The following LZTR1 variants were observed in gnomAD, a reference collection of about 807,000 sequenced individuals.
LZTR1 encodes leucine zipper like post translational regulator 1, also known as leucine-zipper-like transcriptional regulator 1.
In LZTR1, 260 loss-of-function variants were observed where a neutral mutation model predicts 105.7. That is an observed-to-expected ratio of 2.46 (90% CI 2.22 to 2.72). The LOEUF (loss-of-function observed/expected upper bound fraction) is 2.72, where lower values mean the gene tolerates loss of function less well. Ranked by LOEUF, LZTR1 falls within the 30% of genes most tolerant of loss-of-function variation. The pLI is 0.00. For missense variants in LZTR1, 1,214 were observed against 1,166.9 expected (o/e 1.04, Z -0.59); for synonymous variants, 490 against 476.4 (o/e 1.03, Z -0.37).
chr22:20,985,182 C>T (rs184474965), intron 2 of LZTR1, among the ~76,000 whole-genome samples: 428 of 151,806 alleles, frequency 2.8e-3, no homozygotes, highest in African/African-American at 3.0e-3. Flanking sequence ...CGCAGCCTCC[C>T]GAGTAGCTGG....
At chr22:20,995,548 GGC>G in intron 16 of LZTR1, 196 bp from the exon 17 acceptor site, 1 of 740,444 alleles carries the variant, frequency 1.4e-6, no homozygotes, top group South Asian at 1.5e-5. Context: ...CTGTGCGTGG[GGC>G]ATAGTGCTTG....
rs2147962064 is a variant in LZTR1, at chr22:20,988,104, G to A, written c.495G>A (p.Trp165Ter). The A allele has an allele frequency of 1.2e-6, 2 of 1,608,330 alleles. No individual in the cohort carries two copies. Among genetic ancestry groups the A allele is most frequent in the Non-Finnish European group, 1.7e-6 (2 of 1,174,782 alleles). ...TTGCAACTGGCCAGTGGACGGAGTG[G>A]AAAATTGAAGGACGGTGAGAAACTT... ...YKFATGQWTE[W>*]KIEGRLPVAR... is the part of the protein sequence containing the mutation. Residue 165 changes from tryptophan (W) to a stop codon, truncating the protein, a stop_gained, in exon 5 of 21, where the codon TGG becomes TGA. Coordinates refer to ENST00000646124, the MANE Select transcript of LZTR1 (RefSeq NM_006767.4). LOFTEE classifies it high-confidence loss of function.
chr22:20,990,724 T>C, intron 8 of LZTR1, 199 bp downstream of exon 8: 1 of 582,858 alleles, frequency 1.7e-6, no homozygotes, highest in Non-Finnish European at 3.0e-6. Context: ...CTTAGCAAGA[T>C]AAGGCCTGGC....
chr22:20,997,091 C>A, intron 20 of LZTR1, 125 bp downstream of exon 20: 1 of 1,153,462 alleles, frequency 8.7e-7, no homozygotes, highest in Non-Finnish European at 1.3e-6. Flanking sequence ...AGAAGCAGAG[C>A]AGCCCATCAC....
chr22:20,990,292 A>G, intron 7 of LZTR1, 94 bp from the exon 8 acceptor site: 4 of 1,419,438 alleles, frequency 2.8e-6, no homozygotes, highest in Non-Finnish European at 4.0e-6. Flanking sequence ...GGAAGTTTCA[A>G]GAATAAAAGC....
chr22:20,984,616 G>A (rs532761739), intron 2 of LZTR1, among the ~76,000 whole-genome samples: 2 of 33,996 alleles, frequency 5.9e-5, no homozygotes, highest in African/African-American at 1.2e-4. Context: ...AGTAAGGAGG[G>A]GGGGGGGGCG....
At chr22:20,987,370 CAGAG>C (rs1391471745) in intron 3 of LZTR1, 130 bp from the exon 4 acceptor site, 10 of 592,172 alleles carry the variant, frequency 1.7e-5, no homozygotes, top group Non-Finnish European at 2.7e-5. Flanking sequence ...GCCGGGACGA[CAGAG>C]AGAGACTCCG....
In LZTR1 at chr22:20,993,946, A is replaced by G. The variant is rs765674223; in HGVS notation, c.1376A>G (p.His459Arg). The G allele has an allele frequency of 4.3e-6, 7 of 1,612,596 alleles. No individual in the cohort carries two copies. The highest frequency in any genetic ancestry group is 5.1e-6 in the Non-Finnish European group (6 of 1,179,910). ...CAGAAGGAGGAGTGCGTGCAGGGCC[A>G]CGTAGCCATTGTCACAGCGCGGAGC... ...LGEKEECVQG[H>R]VAIVTARSRW... Residue 459 changes from histidine to arginine, a missense_variant, in exon 13 of 21, where the codon CAC (histidine) becomes CGC (arginine). Physicochemically the swap from His to Arg is conservative, Grantham distance 29. Transcript: ENST00000646124.
chr22:20,993,894 C>T (rs754174350), intron 12 of LZTR1, 30 bp from the exon 13 acceptor site: 11 of 1,598,066 alleles, frequency 6.9e-6, no homozygotes, highest in African/African-American at 2.7e-5. Context: ...GGGTCCTGTG[C>T]CCTCTGCCAG....
Position 20,993,934 on chromosome 22 carries a change from G to T in LZTR1, c.1364G>T (p.Cys455Phe), listed in dbSNP as rs1459157248. 6.2e-7 allele frequency: 1 copy of T among 1,612,072 alleles called. No individual in the cohort carries two copies. The highest frequency in any genetic ancestry group is 8.5e-7 in the Non-Finnish European group (1 of 1,179,828). ...TCATTCTTTGTGCAGAAGGAGGAGT[G>T]CGTGCAGGGCCACGTAGCCATTGTC... is the stretch of plus-strand genomic sequence containing the variant. ...VEFVLGEKEE[C>F]VQGHVAIVTA... Residue 455 changes from cysteine to phenylalanine, a missense_variant, in exon 13 of 21, where the codon TGC (cysteine) becomes TTC (phenylalanine). Coordinates refer to ENST00000646124, the MANE Select transcript of LZTR1 (RefSeq NM_006767.4).
chr22:20,996,356 C>G, intron 18 of LZTR1: 1 of 598,464 alleles, frequency 1.7e-6, no homozygotes, highest in Non-Finnish European at 3.0e-6. Context: ...GCCCAGAGGA[C>G]GGGGTGGGTC....
rs756813850 is a variant in LZTR1, at chr22:20,994,028, C to G, written c.1449+9C>G. 69 of 1,600,132 alleles carry G rather than the reference C, an allele frequency of 4.3e-5. No homozygotes were observed. The South Asian group carries it at 7.7e-4, about 18-fold the overall frequency. ...GGGAGAGGCTGGCCCAGGTGAGGTG[C>G]CTAACCGCCCTGCCCTGACCTGGCA... is the stretch of plus-strand genomic sequence containing the variant. On this transcript the variant is annotated intron_variant, in intron 13 of 20. Transcript: ENST00000646124.
Position 20,993,742 on chromosome 22 carries a change from C to T in LZTR1, c.1341C>T (p.Phe447=), listed in dbSNP as rs201016956. Residue 447 remains phenylalanine, a synonymous_variant, in exon 12 of 21, where the codon TTC becomes TTT. Transcript: ENST00000646124. ...GCCGCCAGTTCTGCGACGTGGAGTT[C>T]GTGCTGGGTGAGGTGGGTGCCTGTC... The part of the protein sequence containing the change: ...WESRQFCDVE[F]VLGEKEECVQ... 21 of 1,613,004 alleles carry T rather than the reference C, an allele frequency of 1.3e-5. No homozygotes were observed. Among genetic ancestry groups the T allele is most frequent in the African/African-American group, 4.0e-5 (3 of 75,058 alleles).
At position 20,994,698 on chromosome 22, in the gene LZTR1, G is replaced by A. The variant is rs2147968073; in HGVS notation, c.1756G>A (p.Ala586Thr). Residue 586 changes from alanine to threonine, a missense_variant, in exon 15 of 21, where the codon GCC becomes ACC. By Grantham distance (58) the Ala-to-Thr change is moderately conservative. Coordinates refer to ENST00000646124, the MANE Select transcript of LZTR1 (RefSeq NM_006767.4). ...GAACGTGCTGGTTGTGTGCGAGAGTGCCGCCCGGCTGCAGCTGAGCCAACT... is the reference window on the plus strand; with the variant it reads ...GAACGTGCTGGTTGTGTGCGAGAGTACCGCCCGGCTGCAGCTGAGCCAACT... ...LQNVLVVCES[A>T]ARLQLSQLKE... is the part of the protein sequence containing the mutation. 6.2e-7 allele frequency: 1 copy of A among 1,612,426 alleles called. No homozygotes were observed.
intron 9 of LZTR1, 55 bp downstream of exon 9, chr22:20,991,884 C>G: frequency 6.9e-7 from 1 of 1,459,124 alleles, no homozygotes; most frequent in Non-Finnish European, 9.3e-7. Flanking sequence ...TAGCTCCTAC[C>G]CTGCTCCCAC....
At chr22:20,991,258 A>G in intron 8 of LZTR1, 1 of 227,236 alleles carries the variant, frequency 4.4e-6, no homozygotes, top group Non-Finnish European at 8.7e-6. Flanking sequence ...AGCTGTGGGG[A>G]TGCTCTGACT....
intron 2 of LZTR1, among the ~76,000 whole-genome samples, chr22:20,984,781 C>T (rs1924320971): frequency 6.6e-6 from 1 of 152,194 alleles, no homozygotes; most frequent in East Asian, 1.9e-4. Context: ...AGGGGGCACC[C>T]AGCACAGGCT....
In LZTR1 at chr22:20,996,726, C is replaced by T. The variant is rs1398152814; in HGVS notation, c.2250C>T (p.Gly750=). ...TGTTTGCGGCCCCCTACTACTACGGCTTCTACAACAACCGGCTGCAGGCGT... is the reference window on the plus strand; with the variant it reads ...TGTTTGCGGCCCCCTACTACTACGGTTTCTACAACAACCGGCTGCAGGCGT... The part of the protein sequence containing the change: ...LYLFAAPYYY[G]FYNNRLQAYC... Residue 750 remains glycine (G), a synonymous_variant, in exon 19 of 21, where the codon GGC becomes GGT. Coordinates refer to ENST00000646124, the MANE Select transcript of LZTR1 (RefSeq NM_006767.4). 7.4e-6 allele frequency: 12 copies of T among 1,613,492 alleles called. No homozygotes were observed. Among genetic ancestry groups the T allele is most frequent in the Non-Finnish European group, 1.0e-5 (12 of 1,179,994 alleles).
Position 20,997,523 on chromosome 22 carries a change from A to AT in LZTR1, c.*177dup, listed in dbSNP as rs1924914066. On this transcript the variant is annotated 3_prime_UTR_variant, in exon 21 of 21. Transcript: ENST00000646124. ...GGGATGTGGGGCCCCAAACTCATTA[A>AT]TTCACTGAAGACACAGGTCCCACAG... 2 of 581,952 alleles carry AT rather than the reference A, an allele frequency of 3.4e-6. No homozygotes were observed. The highest frequency in any genetic ancestry group is 4.0e-5 in the South Asian group (2 of 50,022). 36.0% of individuals were successfully genotyped at this position (581,952 alleles called of 1,614,324 possible). A position where few individuals can be genotyped will look rare whatever the true frequency, so the allele number is the denominator to read the frequency against.
Sources: allele counts gnomAD v4.1 joint callset (sites outside exome capture counted in the v4.1 genomes callset), GRCh38; gene constraint gnomAD v4.1.1; transcripts MANE v1.5; gene names NCBI Gene and HGNC (gene_info 2026-07-23, HGNC 2026-07-21).